ZNF529: variants seen among roughly 807,000 people sequenced by gnomAD.
ZNF529 encodes the protein zinc finger protein 529.
Under a neutral mutation model 10.1 loss-of-function variants are expected in ZNF529, and 11 were observed. The observed-to-expected ratio is 1.09, with a 90% CI of 0.69 to 1.81. The LOEUF is 1.81. Ranked by LOEUF, ZNF529 falls within the 40% of genes most tolerant of loss-of-function variation. The pLI is 0.00. For missense variants in ZNF529, 624 were observed against 666.8 expected (o/e 0.94, Z 0.71); for synonymous variants, 204 against 215.7 (o/e 0.95, Z 0.47).
intron 4 of ZNF529, among the ~76,000 whole-genome samples, chr19:36,549,920 G>A (rs1321732945): frequency 6.6e-6 from 1 of 152,112 alleles, no homozygotes; most frequent in East Asian, 1.9e-4. Context: ...GACTTACACA[G>A]TTCTGAGCAA....
intron 2 of ZNF529, among the ~76,000 whole-genome samples, chr19:36,565,165 A>G (rs2035849467): frequency 6.6e-6 from 1 of 152,206 alleles, no homozygotes; most frequent in African/African-American, 2.4e-5. Context: ...GACAAGATCA[A>G]TTGTACTCCA....
intron 4 of ZNF529, chr19:36,552,025 A>G (rs1008966529): frequency 3.3e-5 from 5 of 152,190 alleles, no homozygotes; most frequent in African/African-American, 1.2e-4. Context: ...TGGTCAATAT[A>G]TACATACATA....
chr19:36,583,496 TAAAAAC>T (rs1470525778), intron 2 of ZNF529, among the ~76,000 whole-genome samples: 7 of 151,216 alleles, frequency 4.6e-5, no homozygotes, highest in East Asian at 3.9e-4. Context: ...GAAAAACCCT[TAAAAAC>T]AAAAACAAAA....
chr19:36,595,288 A>T (rs2036816989), intron 1 of ZNF529, among the ~76,000 whole-genome samples: 2 of 152,214 alleles, frequency 1.3e-5, no homozygotes, highest in Admixed American at 6.5e-5. Flanking sequence ...CTGCAGCTTG[A>T]CAATATTTAC....
At chr19:36,556,449 G>C (rs2035478623) in intron 2 of ZNF529, among the ~76,000 whole-genome samples, 1 of 152,140 alleles carries the variant, frequency 6.6e-6, no homozygotes, top group South Asian at 2.1e-4. Context: ...CCTTGCCCCA[G>C]TCAGATAGCT....
At chr19:36,595,737 A>G (rs867532648) in intron 1 of ZNF529, among the ~76,000 whole-genome samples, 12 of 152,322 alleles carry the variant, frequency 7.9e-5, no homozygotes, top group African/African-American at 2.6e-4. Flanking sequence ...ATTTGCCTAA[A>G]TTTCAGTAAG....
intron 3 of ZNF529, among the ~76,000 whole-genome samples, chr19:36,555,253 A>G (rs1302381524): frequency 6.6e-6 from 1 of 152,186 alleles, no homozygotes; most frequent in African/African-American, 2.4e-5. Flanking sequence ...ATTATTTCAC[A>G]TTATATAATA....
intron 1 of ZNF529, among the ~76,000 whole-genome samples, chr19:36,595,796 C>T (rs2036827623): frequency 6.6e-6 from 1 of 152,104 alleles, no homozygotes; most frequent in Non-Finnish European, 1.5e-5. Context: ...CTACAATATA[C>T]ATATAATATT....
upstream of ZNF529, among the ~76,000 whole-genome samples, chr19:36,576,186 C>A (rs2036312969): frequency 6.6e-6 from 1 of 151,980 alleles, no homozygotes; most frequent in Non-Finnish European, 1.5e-5. Context: ...CTGTTGTTCA[C>A]CTTTTGAAAA....
intron 2 of ZNF529, among the ~76,000 whole-genome samples, chr19:36,578,459 C>T (rs530359812): frequency 3.9e-4 from 59 of 150,710 alleles, no homozygotes; most frequent in Admixed American, 1.1e-3. Flanking sequence ...GTGCCCGCCA[C>T]GATGCCCGGC....
intron 2 of ZNF529, among the ~76,000 whole-genome samples, chr19:36,563,689 G>A (rs1230713201): frequency 6.6e-6 from 1 of 152,156 alleles, no homozygotes; most frequent in Non-Finnish European, 1.5e-5. Context: ...TCATTAAAAT[G>A]GCCATACTGC....
chr19:36,554,539 C>G (rs987126572), intron 4 of ZNF529, 131 bp downstream of exon 4: 1 of 709,312 alleles, frequency 1.4e-6, no homozygotes, highest in East Asian at 3.9e-5. Flanking sequence ...GATCATGTCA[C>G]TGCACTCCAA....
upstream of ZNF529, among the ~76,000 whole-genome samples, chr19:36,576,958 C>CTTT (rs759716467): frequency 7.4e-6 from 1 of 136,042 alleles, no homozygotes; most frequent in Non-Finnish European, 1.6e-5. Context: ...TTTCTTTTTT[C>CTTT]TTTTTTTTTT....
At chr19:36,556,455 T>G (rs984453026) in intron 2 of ZNF529, among the ~76,000 whole-genome samples, 3 of 152,192 alleles carry the variant, frequency 2.0e-5, no homozygotes, top group Non-Finnish European at 4.4e-5. Flanking sequence ...CCCAGTCAGA[T>G]AGCTATCTTC....
upstream of ZNF529, chr19:36,573,581 G>A: frequency 2.2e-6 from 1 of 447,526 alleles, no homozygotes; most frequent in Non-Finnish European, 4.8e-6. Flanking sequence ...TGGGGAACAG[G>A]AAGCTGGGGC....
chr19:36,561,681 A>G (rs756593366), intron 2 of ZNF529, among the ~76,000 whole-genome samples: 2 of 152,144 alleles, frequency 1.3e-5, no homozygotes, highest in Non-Finnish European at 2.9e-5. Flanking sequence ...AGCATGCAAC[A>G]TGGGCCTGGG....
intron 2 of ZNF529, among the ~76,000 whole-genome samples, chr19:36,558,097 C>A (rs1323413971): frequency 6.6e-6 from 1 of 151,816 alleles, no homozygotes; most frequent in Non-Finnish European, 1.5e-5. Context: ...GAAGTATTAA[C>A]AAAGTTGAAG....
chr19:36,572,809 G>C (rs2036182714), intron 1 of ZNF529, among the ~76,000 whole-genome samples: 1 of 151,896 alleles, frequency 6.6e-6, no homozygotes, highest in African/African-American at 2.4e-5. Context: ...GTGTGTGTGT[G>C]TGTATAAGAC....
rs2912444 is a variant in ZNF529, at chr19:36,548,167, A to T, written c.391T>A (p.Leu131Ile). The change falls in exon 5 of 5, where the codon TTA becomes ATA. Residue 131 changes from leucine to isoleucine, a missense_variant. Leu to Ile is a conservative substitution (Grantham distance 5). Coordinates refer to ENST00000591340, the MANE Select transcript of ZNF529 (RefSeq NM_020951.5). ...AAATATCCCACTTCAGGTCCTTGTA[A>T]GTCAATCTTGCTTTTGCTTTGCCAG... ...NDWQSKSKID[L>I]QGPEVGYFSQ... The T allele has an allele frequency of 8.7e-6, 14 of 1,613,452 alleles. No individual in the cohort carries two copies. The East Asian group carries it at 1.3e-4, about 15-fold the overall frequency.
Sources: gnomAD v4.1 joint callset for allele counts (sites outside exome capture counted in the v4.1 genomes callset) on GRCh38, gnomAD v4.1.1 for gene constraint, MANE v1.5 for transcripts, NCBI Gene and HGNC (gene_info 2026-07-23, HGNC 2026-07-21) for gene names.